CHID1: variants seen among roughly 807,000 people sequenced by gnomAD.
The protein encoded by CHID1 is chitinase domain-containing protein 1.
Under a neutral mutation model 55.4 loss-of-function variants are expected in CHID1, and 44 were observed. That is an observed-to-expected ratio of 0.79 (90% CI 0.62 to 1.02). CHID1 has a LOEUF of 1.02. CHID1 is among the 50% of genes least tolerant of loss of function. The probability of loss-of-function intolerance (pLI) is 0.00; values close to 1 mark genes in which losing one functional copy is unlikely to be tolerated. For missense variants in CHID1, 491 were observed against 515.3 expected (o/e 0.95, Z 0.46); for synonymous variants, 216 against 212.9 (o/e 1.01, Z -0.13).
chr11:898,379 C>T (rs1320514024), intron 7 of CHID1, among the ~76,000 whole-genome samples: 1 of 152,222 alleles, frequency 6.6e-6, no homozygotes, highest in Non-Finnish European at 1.5e-5. Flanking sequence ...GATTCCAGAA[C>T]CCACGGCTCA....
At position 900,012 on chromosome 11, in the gene CHID1, C is replaced by T; in HGVS notation, c.538G>A (p.Val180Met). 1.1e-5 allele frequency: 18 copies of T among 1,613,586 alleles called. No homozygotes were observed. The highest frequency in any genetic ancestry group is 1.5e-5 in the Non-Finnish European group (18 of 1,179,576). Reference sequence around the variant, plus strand: ...CAGCACACAGGTCTCACCTTTGCCACCTGGACCACGGTCTTGCTCAGCTCC... The same window carrying T: ...CAGCACACAGGTCTCACCTTTGCCATCTGGACCACGGTCTTGCTCAGCTCC... Reference protein sequence around the residue: ...IEELSKTVVQVAKNQHFDGFV... With the variant: ...IEELSKTVVQMAKNQHFDGFV... Residue 180 changes from valine to methionine, a missense_variant, in exon 6 of 13, where the codon GTG (valine) becomes ATG (methionine). By Grantham distance (21) the Val-to-Met change is conservative. Transcript: ENST00000323578.
chr11:910,058 CAA>C (rs753977191), intron 1 of CHID1, among the ~76,000 whole-genome samples: 6 of 129,758 alleles, frequency 4.6e-5, no homozygotes, highest in Non-Finnish European at 3.3e-5. Flanking sequence ...GACTCTGTCT[CAA>C]AAAAAAAAAA....
intron 7 of CHID1, among the ~76,000 whole-genome samples, chr11:893,837 T>TAA (rs879432811): frequency 1.4e-5 from 2 of 138,942 alleles, no homozygotes; most frequent in Non-Finnish European, 3.1e-5. Context: ...CATGGCAGAT[T>TAA]AAAAAAAAAA....
Position 868,839 on chromosome 11 carries a change from C to T in CHID1, c.*1019G>A, listed in dbSNP as rs1159227361. 6.6e-6 allele frequency: 1 copy of T among 152,476 alleles called. No homozygotes were observed. Among genetic ancestry groups the T allele is most frequent in the East Asian group, 1.9e-4 (1 of 5,194 alleles). The allele number at this position is 152,476 out of a possible 1,614,324, so 9.4% of individuals were successfully genotyped here. On this transcript the variant is annotated 3_prime_UTR_variant, in exon 13 of 13. Transcript: ENST00000323578. ...AGTGAGGGACGCCCAGGCCCACCCA[C>T]TCCCTGGACTCACTTCTGTCCCCCC... is the stretch of plus-strand genomic sequence containing the variant.
At chr11:914,837 G>A (rs1387490525), upstream of CHID1, 9 of 332,384 alleles carry the variant, frequency 2.7e-5, no homozygotes, top group African/African-American at 6.6e-5. Flanking sequence ...GTGGGGTCGC[G>A]GCGGCTCTGG....
intron 10 of CHID1, among the ~76,000 whole-genome samples, chr11:878,518 G>A (rs1010684058): frequency 1.3e-5 from 2 of 150,778 alleles, no homozygotes; most frequent in Non-Finnish European, 3.0e-5. Flanking sequence ...AGCCAAGATC[G>A]CACCATTGCA....
At chr11:896,063 C>T (rs1279272653) in intron 7 of CHID1, among the ~76,000 whole-genome samples, 2 of 151,900 alleles carry the variant, frequency 1.3e-5, no homozygotes, top group African/African-American at 2.4e-5. Flanking sequence ...CCTGACACAA[C>T]GAGGCCGTCT....
intron 1 of CHID1, among the ~76,000 whole-genome samples, chr11:907,327 A>C (rs935296174): frequency 3.3e-5 from 5 of 152,228 alleles, no homozygotes; most frequent in Admixed American, 1.3e-4. Context: ...TAAAAATACA[A>C]AAAATTAGCC....
At position 883,173 on chromosome 11, in the gene CHID1, C is replaced by A. The variant is rs769521441; in HGVS notation, c.934G>T (p.Ala312Ser). 3 of 1,612,914 alleles carry A rather than the reference C, an allele frequency of 1.9e-6. No individual in the cohort carries two copies. The East Asian group carries it at 6.7e-5, about 36-fold the overall frequency. The part of the protein sequence containing the change: ...YGMDYATSKD[A>S]REPVVGARYI... Reference sequence around the variant, plus strand: ...CTGGCCCCGACAACAGGCTCACGGGCATCCTTGGAGGTCGCGTAGTCCATA... The same window carrying A: ...CTGGCCCCGACAACAGGCTCACGGGAATCCTTGGAGGTCGCGTAGTCCATA... Residue 312 changes from alanine (A) to serine (S), a missense_variant, in exon 10 of 13, where the codon GCC becomes TCC. Transcript: ENST00000323578.
Position 875,542 on chromosome 11 carries a change from G to A in CHID1, c.960-5043C>T, listed in dbSNP as rs192678310. Among the ~76,000 whole-genome samples the A allele has an allele frequency of 2.9e-4, 44 of 152,292 alleles. No individual in the cohort carries two copies. The highest frequency in any genetic ancestry group is 9.6e-4 in the African/African-American group (40 of 41,572). Reference sequence around the variant, plus strand: ...ACCTGGCTCCTCGTCACTGGCTATCGGAGAGCGCTGGGGTGTTAGGAGAAC... The same window carrying A: ...ACCTGGCTCCTCGTCACTGGCTATCAGAGAGCGCTGGGGTGTTAGGAGAAC... On this transcript the variant is annotated intron_variant, in intron 10 of 12. Coordinates refer to ENST00000323578, the MANE Select transcript of CHID1 (RefSeq NM_023947.4). This position sits in a 1 kb window ranked among gnomAD's most constrained non-coding sequence, Gnocchi z 4.7.
chr11:900,140 C>T (rs946888795), intron 5 of CHID1, 30 bp from the exon 6 acceptor site: 22 of 1,563,470 alleles, frequency 1.4e-5, no homozygotes, highest in Middle Eastern at 1.7e-4. Flanking sequence ...ACACGGGGGC[C>T]GTGACTGGGA....
intron 10 of CHID1, among the ~76,000 whole-genome samples, chr11:871,398 A>T (rs906798763): frequency 6.6e-6 from 1 of 152,026 alleles, no homozygotes; most frequent in Non-Finnish European, 1.5e-5. Flanking sequence ...TGGTTTGAGA[A>T]CCACCCCCTC....
At chr11:887,639 A>G (rs1203456992) in intron 8 of CHID1, among the ~76,000 whole-genome samples, 1 of 152,096 alleles carries the variant, frequency 6.6e-6, no homozygotes, top group African/African-American at 2.4e-5. Flanking sequence ...TGTCAGCCGC[A>G]GCTTCTACTC....
At chr11:891,599 C>A (rs1023115494) in intron 8 of CHID1, among the ~76,000 whole-genome samples, 1 of 152,328 alleles carries the variant, frequency 6.6e-6, no homozygotes, top group Non-Finnish European at 1.5e-5. Context: ...CTCCCCTAAG[C>A]ACAAAGGGCA....
intron 1 of CHID1, among the ~76,000 whole-genome samples, chr11:905,943 C>T (rs1189515090): frequency 1.3e-5 from 2 of 152,200 alleles, no homozygotes; most frequent in African/African-American, 2.4e-5. Context: ...TTGGAACACA[C>T]TTGACAACGG....
At chr11:899,625 C>T (rs1851652397) in intron 6 of CHID1, among the ~76,000 whole-genome samples, 1 of 152,194 alleles carries the variant, frequency 6.6e-6, no homozygotes, top group Non-Finnish European at 1.5e-5. Context: ...GTGCATTCTG[C>T]CGACCCATGC....
chr11:884,475 A>C (rs1411478620), intron 8 of CHID1, among the ~76,000 whole-genome samples: 1 of 152,078 alleles, frequency 6.6e-6, no homozygotes, highest in Non-Finnish European at 1.5e-5. Flanking sequence ...AGGTCAGTGG[A>C]GAGTGGCCAA....
chr11:904,906 G>A lies in CHID1; in HGVS notation c.-43-47C>T, dbSNP rs752694638. The A allele has an allele frequency of 1.7e-5, 27 of 1,595,058 alleles. No homozygotes were observed. In the South Asian group the frequency reaches 2.4e-4, roughly 14 times the overall value. The stretch of plus-strand genomic sequence containing the variant: ...TTCAAACAACCGGCAGAGAAATGCA[G>A]CACATGGGCAACCCCTCTGCTGATG... On this transcript the variant is annotated intron_variant, in intron 1 of 12. Transcript: ENST00000323578.
Position 869,796 on chromosome 11 carries a change from C to T in CHID1, c.*62G>A, listed in dbSNP as rs532759600. 3 of 1,450,908 alleles carry T rather than the reference C, an allele frequency of 2.1e-6. No homozygotes were observed. Among genetic ancestry groups the T allele is most frequent in the East Asian group, 4.5e-5 (2 of 44,016 alleles). 89.9% of individuals were successfully genotyped at this position (1,450,908 alleles called of 1,614,324 possible). ...ACGGAGTGGAGGCCTGTATTTCACACCTGCTCACTCACTCCATGGCTTAGA... is the reference window on the plus strand; with the variant it reads ...ACGGAGTGGAGGCCTGTATTTCACATCTGCTCACTCACTCCATGGCTTAGA... On this transcript the variant is annotated 3_prime_UTR_variant, in exon 13 of 13. Coordinates refer to ENST00000323578, the MANE Select transcript of CHID1 (RefSeq NM_023947.4).
Sources: gnomAD v4.1 joint callset for allele counts (sites outside exome capture counted in the v4.1 genomes callset) on GRCh38, gnomAD v4.1.1 for gene constraint, Gnocchi (gnomAD v3.1) non-coding constraint, MANE v1.5 for transcripts, NCBI Gene and HGNC (gene_info 2026-07-23, HGNC 2026-07-21) for gene names.